Variants in SUN1 observed in about 807,000 individuals in gnomAD.
SUN1 encodes the protein Sad1 and UNC84 domain containing 1, also known as SUN domain-containing protein 1.
In SUN1, 61 loss-of-function variants were observed where a neutral mutation model predicts 103.2. The observed-to-expected ratio is 0.59, with a 90% CI of 0.48 to 0.73. The LOEUF is 0.73. Among genes scored for constraint, SUN1 ranks in the 30% least tolerant of loss-of-function variants. The pLI is 0.00. For synonymous variants in SUN1, 490 were observed against 425.7 expected (o/e 1.15, Z -1.86); for missense variants, 1,052 against 1,034.6 (o/e 1.02, Z -0.23).
chr7:865,846 G>T, intron 15 of SUN1, 106 bp from the exon 16 acceptor site: 1 of 877,796 alleles, frequency 1.1e-6, no homozygotes, highest in Non-Finnish European at 1.9e-6. Context: ...CAGTGATGTC[G>T]AGCACTTTTC....
At chr7:849,916 C>G (rs774740737) in intron 5 of SUN1, 33 of 1,591,192 alleles carry the variant, frequency 2.1e-5, no homozygotes, top group African/African-American at 2.7e-5. Flanking sequence ...TGTCACCACA[C>G]CTGCAGGCGA....
At chr7:829,744 C>T (rs988403059), upstream of SUN1, among the ~76,000 whole-genome samples, 5 of 151,962 alleles carry the variant, frequency 3.3e-5, no homozygotes, top group African/African-American at 4.8e-5. Flanking sequence ...TTAGTAAAGA[C>T]GGTGTTTCAC....
intron 5 of SUN1, chr7:848,420 G>A (rs778055248): frequency 1.4e-5 from 19 of 1,355,868 alleles, no homozygotes; most frequent in Middle Eastern, 2.1e-4. Flanking sequence ...TTTAATAGGC[G>A]GTGCGTCTTT....
At position 856,373 on chromosome 7, in the gene SUN1, C is replaced by G; in HGVS notation, c.1366C>G (p.Leu456Val). ...TACTTTTTAGGCCATCCAGAAGGAA[C>G]TAGAACAGACCAAGCAAAAAACAAT... The part of the protein sequence containing the change: ...REKSEAIQKE[L>V]EQTKQKTISA... Residue 456 changes from leucine (L) to valine (V), a missense_variant, in exon 12 of 19, where the codon CTA becomes GTA. Physicochemically the swap from Leu to Val is conservative, Grantham distance 32. Transcript: ENST00000401592. The G allele has an allele frequency of 6.2e-7, 1 of 1,614,048 alleles. No individual in the cohort carries two copies. The highest frequency in any genetic ancestry group is 8.5e-7 in the Non-Finnish European group (1 of 1,179,992).
At chr7:823,912 T>C (rs1459513918) in intron 1 of SUN1, among the ~76,000 whole-genome samples, 1 of 152,198 alleles carries the variant, frequency 6.6e-6, no homozygotes, top group East Asian at 1.9e-4. Context: ...ACGATGCCTG[T>C]GTACCAACTG....
intron 5 of SUN1, chr7:850,226 TCTCA>T (rs1335312370): frequency 3.4e-6 from 2 of 586,280 alleles, no homozygotes; most frequent in Non-Finnish European, 3.0e-6. Flanking sequence ...GGAAGCGGAG[TCTCA>T]CTCTGTTGCC....
intron 5 of SUN1, among the ~76,000 whole-genome samples, chr7:844,882 C>T (rs938421313): frequency 2.0e-5 from 3 of 152,166 alleles, no homozygotes; most frequent in Non-Finnish European, 4.4e-5. Context: ...TAGCCACCTG[C>T]CTCCATGAGC....
chr7:851,210 CA>C, intron 5 of SUN1, 173 bp from the exon 6 acceptor site: 1 of 520,296 alleles, frequency 1.9e-6, no homozygotes, highest in Admixed American at 3.1e-5. Flanking sequence ...CATGTCAGTG[CA>C]ATATTGCCAG....
At chr7:872,439 C>G in intron 17 of SUN1, 31 bp from the exon 18 acceptor site, 2 of 1,552,488 alleles carry the variant, frequency 1.3e-6, no homozygotes, top group Non-Finnish European at 1.8e-6. Context: ...TTTTTCCATT[C>G]GTTCATAATT....
rs569563603 is a variant in SUN1 at position 873,468 on chromosome 7, G to A, written c.*137G>A. On this transcript the variant is annotated 3_prime_UTR_variant, in exon 19 of 19. Coordinates refer to ENST00000401592, the MANE Select transcript of SUN1 (RefSeq NM_001130965.3). Reference sequence around the variant, plus strand: ...CAATAAACGTGGCTGCTGGCCAGAGGACGTGAGCGTGTGACGGGCGCCTTG... The same window carrying A: ...CAATAAACGTGGCTGCTGGCCAGAGAACGTGAGCGTGTGACGGGCGCCTTG... 30 of 890,272 alleles carry A rather than the reference G, an allele frequency of 3.4e-5. No homozygotes were observed. The highest frequency in any genetic ancestry group is 4.8e-5 in the Admixed American group (2 of 41,748). 55.1% of individuals were successfully genotyped at this position (890,272 alleles called of 1,614,324 possible).
In SUN1 at chr7:866,050, C is replaced by G. The variant is rs769366660; in HGVS notation, c.1963C>G (p.Pro655Ala). 1 of 1,614,060 alleles carries G rather than the reference C, an allele frequency of 6.2e-7. No individual in the cohort carries two copies. Among genetic ancestry groups the G allele is most frequent in the Non-Finnish European group, 8.5e-7 (1 of 1,179,970 alleles). ...GIPLWYFSQS[P>A]RVVIQPDIYP... ...CCCGCTGTGGTACTTCTCGCAGTCC[C>G]CGCGCGTGGTCATCCAGGTGAGTGG... The change falls in exon 16 of 19, where the codon CCG becomes GCG. Residue 655 changes from proline to alanine, a missense_variant. By Grantham distance (27) the Pro-to-Ala change is conservative. Coordinates refer to ENST00000401592, the MANE Select transcript of SUN1 (RefSeq NM_001130965.3).
intron 5 of SUN1, among the ~76,000 whole-genome samples, chr7:846,799 C>T (rs1277012381): frequency 6.6e-6 from 1 of 151,758 alleles, no homozygotes; most frequent in Non-Finnish European, 1.5e-5. Flanking sequence ...ATCGCTTGAG[C>T]TCAGGAGGCT....
At position 860,085 on chromosome 7, in the gene SUN1, T is replaced by G. The variant is rs745795723; in HGVS notation, c.1525-43T>G. ...AATGGACCCGAACAGTGGAAGTGAT[T>G]TAGTTAAAATAGGACATTTGTGTCC... On this transcript the variant is annotated intron_variant, in intron 13 of 18. Transcript: ENST00000401592. 2.5e-6 allele frequency: 4 copies of G among 1,602,758 alleles called. No individual in the cohort carries two copies. The South Asian group carries it at 3.3e-5, about 13-fold the overall frequency.
intron 1 of SUN1, among the ~76,000 whole-genome samples, chr7:827,374 A>C (rs910393398): frequency 6.6e-6 from 1 of 151,788 alleles, no homozygotes; most frequent in Admixed American, 6.6e-5. Flanking sequence ...AAGATTTTTC[A>C]ACCATGTTCT....
In SUN1 at chr7:855,007, G is replaced by A. The variant is rs1562730769; in HGVS notation, c.1350+1G>A. 6.2e-7 allele frequency: 1 copy of A among 1,609,442 alleles called. No homozygotes were observed. The highest frequency in any genetic ancestry group is 8.5e-7 in the Non-Finnish European group (1 of 1,176,872). Reference sequence around the variant, plus strand: ...GGGAAAACTGAGAGAAAAATCTGAGGTATTTATTTTTGACCTTACGCTTTT... The same window carrying A: ...GGGAAAACTGAGAGAAAAATCTGAGATATTTATTTTTGACCTTACGCTTTT... On this transcript the variant is annotated splice_donor_variant, in intron 11 of 18. Coordinates refer to ENST00000401592, the MANE Select transcript of SUN1 (RefSeq NM_001130965.3). LOFTEE classifies it high-confidence loss of function.
At position 874,741 on chromosome 7, in the gene SUN1, G is replaced by A. The variant is rs1436266088; in HGVS notation, c.*1410G>A. The A allele has an allele frequency of 6.6e-6, 1 of 152,142 alleles. No individual in the cohort carries two copies. The highest frequency in any genetic ancestry group is 2.4e-5 in the African/African-American group (1 of 41,418). 9.4% of individuals were successfully genotyped at this position (152,142 alleles called of 1,614,324 possible). ...TTGGGATTTGGGGTGGAAATATTTT[G>A]AATATTAATTTATTTTTAAAGATGC... On this transcript the variant is annotated 3_prime_UTR_variant, in exon 19 of 19. Coordinates refer to ENST00000401592, the MANE Select transcript of SUN1 (RefSeq NM_001130965.3).
intron 10 of SUN1, among the ~76,000 whole-genome samples, chr7:854,696 G>T (rs978787129): frequency 3.9e-5 from 6 of 152,242 alleles, no homozygotes; most frequent in African/African-American, 1.4e-4. Flanking sequence ...GCCCAGGCTG[G>T]AGTGCAACCT....
intron 16 of SUN1, chr7:869,010 T>A (rs1839483184): frequency 2.8e-6 from 1 of 359,532 alleles, no homozygotes. Context: ...TGGTTCCCTG[T>A]GGTGGTGTCC....
intron 17 of SUN1, among the ~76,000 whole-genome samples, chr7:870,887 C>CTTTTTT (rs59711259): frequency 9.9e-6 from 1 of 101,062 alleles, no homozygotes; most frequent in Non-Finnish European, 1.9e-5. Context: ...TATTTTCTTT[C>CTTTTTT]TTTTTTTTTT....
Sources: allele counts gnomAD v4.1 joint callset (sites outside exome capture counted in the v4.1 genomes callset), GRCh38; gene constraint gnomAD v4.1.1; transcripts MANE v1.5; gene names NCBI Gene and HGNC (gene_info 2026-07-23, HGNC 2026-07-21).